NCALD: variants seen among roughly 807,000 people sequenced by gnomAD.
The protein encoded by NCALD is neurocalcin delta.
NCALD carries 10 observed loss-of-function variants against 18.6 expected under a neutral mutation model. That is an observed-to-expected ratio of 0.54 (90% CI 0.33 to 0.91). The LOEUF (loss-of-function observed/expected upper bound fraction) is 0.91, where lower values mean the gene tolerates loss of function less well. Among genes scored for constraint, NCALD ranks in the 40% least tolerant of loss-of-function variants. The pLI is 0.03. For synonymous variants in NCALD, 88 were observed against 87.4 expected (o/e 1.01, Z -0.04); for missense variants, 184 against 247.6 (o/e 0.74, Z 1.72).
chr8:101,792,953 G>C (rs1655220996), upstream of NCALD, among the ~76,000 whole-genome samples: 1 of 151,120 alleles, frequency 6.6e-6, no homozygotes, highest in African/African-American at 2.4e-5. Context: ...TTGAAAATTA[G>C]CAAAAAACCA....
chr8:101,768,267 C>A (rs1270990150), intron 1 of NCALD, among the ~76,000 whole-genome samples: 1 of 152,220 alleles, frequency 6.6e-6, no homozygotes, highest in Non-Finnish European at 1.5e-5. Context: ...TCAGACAGAG[C>A]AGAGTCCACA....
At chr8:101,714,792 C>G (rs971017543) in intron 2 of NCALD, among the ~76,000 whole-genome samples, 1 of 150,770 alleles carries the variant, frequency 6.6e-6, no homozygotes, top group Non-Finnish European at 1.5e-5. Flanking sequence ...GTCAGGAGAT[C>G]GAGACCATCC....
In NCALD at chr8:101,689,108, C is replaced by G. The variant is rs750116735; in HGVS notation, c.*201G>C. The G allele has an allele frequency of 2.8e-6, 2 of 704,692 alleles. No individual in the cohort carries two copies. Among genetic ancestry groups the G allele is most frequent in the African/African-American group, 1.7e-5 (1 of 57,384 alleles). The allele number at this position is 704,692 out of a possible 1,614,324, so 43.7% of individuals were successfully genotyped here. A position where few individuals can be genotyped will look rare whatever the true frequency, so the allele number is the denominator to read the frequency against. On this transcript the variant is annotated 3_prime_UTR_variant, in exon 4 of 4. Coordinates refer to ENST00000220931, the MANE Select transcript of NCALD (RefSeq NM_032041.3). The surrounding 1 kb of genome is among the most constrained non-coding windows in gnomAD (Gnocchi z 4.4). ...CCACGAAGTCTGTCCATGCTCTCCACAAGCACACTGGGGCTCTGGGCATTC... is the reference window on the plus strand; with the variant it reads ...CCACGAAGTCTGTCCATGCTCTCCAGAAGCACACTGGGGCTCTGGGCATTC...
At chr8:101,770,212 A>T (rs1049158867) in intron 1 of NCALD, among the ~76,000 whole-genome samples, 3 of 152,180 alleles carry the variant, frequency 2.0e-5, no homozygotes, top group African/African-American at 7.2e-5. Flanking sequence ...TACCAAAATA[A>T]CCAATGTTTT....
intron 3 of NCALD, among the ~76,000 whole-genome samples, chr8:101,891,630 C>T (rs916428518): frequency 6.6e-6 from 1 of 152,224 alleles, no homozygotes; most frequent in East Asian, 1.9e-4. Flanking sequence ...GAGTGCCAGA[C>T]AGTGGGCGCA....
intron 1 of NCALD, among the ~76,000 whole-genome samples, chr8:101,728,830 A>AAAAC (rs57922786): frequency 0.16 from 24,952 of 152,048 alleles, 2,622 homozygotes; most frequent in South Asian, 0.26. Flanking sequence ...AAAACAAAAC[A>AAAAC]AAACAAACAA....
rs560985343 is a variant in NCALD at position 101,861,827 on chromosome 8, G to A, written c.-20+25314C>T. On this transcript the variant is annotated intron_variant, in intron 4 of 6. Coordinates refer to the NCALD transcript ENST00000311028. ...GAAAATTAATGTTCACCAAAAGTAG[G>A]TGCCTTGTTGACATAAGTTAGCTGT... 3.3e-5 allele frequency among the ~76,000 whole-genome samples: 5 copies of A among 152,266 alleles called. No individual in the cohort carries two copies. The East Asian group carries it at 9.7e-4, about 29-fold the overall frequency.
At chr8:101,994,143 T>C (rs1158094764) in intron 2 of NCALD, among the ~76,000 whole-genome samples, 1 of 152,216 alleles carries the variant, frequency 6.6e-6, no homozygotes, top group Non-Finnish European at 1.5e-5. Flanking sequence ...TCTCTGGAAC[T>C]GCCTTCAGTA....
intron 2 of NCALD, among the ~76,000 whole-genome samples, chr8:102,000,322 G>A (rs969582814): frequency 1.3e-5 from 2 of 152,206 alleles, no homozygotes; most frequent in Admixed American, 6.5e-5. Context: ...CAGCGAGGCT[G>A]GGGGAGGGGT....
chr8:101,763,551 AG>A (rs1811203463), intron 1 of NCALD, among the ~76,000 whole-genome samples: 1 of 152,152 alleles, frequency 6.6e-6, no homozygotes, highest in Admixed American at 6.5e-5. Context: ...ATTGGGCCAC[AG>A]GGTGTCGGAT....
At chr8:102,045,030 A>C (rs1823190380) in intron 1 of NCALD, among the ~76,000 whole-genome samples, 1 of 152,236 alleles carries the variant, frequency 6.6e-6, no homozygotes, top group Admixed American at 6.5e-5. Flanking sequence ...AAGAAAGCCA[A>C]GACTAAAAAG....
intron 4 of NCALD, among the ~76,000 whole-genome samples, chr8:101,825,792 G>A (rs7813132): frequency 6.6e-6 from 1 of 152,218 alleles, no homozygotes; most frequent in African/African-American, 2.4e-5. Context: ...TACCATCTCC[G>A]TCTCAAGCAC....
intron 1 of NCALD, among the ~76,000 whole-genome samples, chr8:101,735,900 T>C (rs1809887921): frequency 6.6e-6 from 1 of 152,210 alleles, no homozygotes; most frequent in South Asian, 2.1e-4. Flanking sequence ...CTCACTTCCA[T>C]CCAATCCTGT....
At chr8:101,952,939 G>A (rs1819487909) in intron 2 of NCALD, among the ~76,000 whole-genome samples, 1 of 151,436 alleles carries the variant, frequency 6.6e-6, no homozygotes, top group Admixed American at 6.6e-5. Context: ...TTTTTAAGAA[G>A]TAACACTTTC....
At chr8:101,763,964 CTCCACACACA>C (rs1563744094) in intron 1 of NCALD, among the ~76,000 whole-genome samples, 1 of 110,666 alleles carries the variant, frequency 9.0e-6, no homozygotes, top group East Asian at 2.7e-4. Flanking sequence ...CTCTCTCTCT[CTCCACACACA>C]CACACACACA....
intron 3 of NCALD, chr8:101,691,785 C>A: frequency 1.0e-6 from 1 of 985,328 alleles, no homozygotes; most frequent in Non-Finnish European, 1.2e-6. Flanking sequence ...GAGACAGAGG[C>A]TCTCTGTACT....
intron 2 of NCALD, among the ~76,000 whole-genome samples, chr8:101,699,242 A>G (rs182139466): frequency 2.5e-4 from 38 of 152,374 alleles, no homozygotes; most frequent in African/African-American, 8.7e-4. Context: ...AATGGTGATT[A>G]TTAAAAAGTC....
At chr8:101,858,496 A>G (rs572932165) in intron 4 of NCALD, among the ~76,000 whole-genome samples, 4 of 152,162 alleles carry the variant, frequency 2.6e-5, no homozygotes, top group Non-Finnish European at 5.9e-5. Flanking sequence ...CCAGCCTGAT[A>G]CTGGAGGTTT....
At chr8:101,784,627 A>T (rs112320026) in intron 1 of NCALD, among the ~76,000 whole-genome samples, 4,170 of 151,910 alleles carry the variant, frequency 0.027, 91 homozygotes, top group Middle Eastern at 0.048. Context: ...TGAGACCCCA[A>T]GTCTATAAAA....
Sources: allele counts gnomAD v4.1 joint callset (sites outside exome capture counted in the v4.1 genomes callset), GRCh38; gene constraint gnomAD v4.1.1; non-coding constraint Gnocchi (gnomAD v3.1); transcripts MANE v1.5; gene names NCBI Gene and HGNC (gene_info 2026-07-23, HGNC 2026-07-21).